The following WDR89 variants were observed in gnomAD, a reference collection of about 807,000 sequenced individuals.
The protein encoded by WDR89 is WD repeat domain 89, also known as WD repeat-containing protein 89.
A neutral mutation model predicts 29.1 loss-of-function variants in WDR89; 17 were observed. The ratio of observed to expected loss-of-function variants is 0.58; its 90% CI spans 0.40 to 0.88. The LOEUF (loss-of-function observed/expected upper bound fraction) is 0.88, where lower values mean the gene tolerates loss of function less well. Among genes scored for constraint, WDR89 ranks in the 40% least tolerant of loss-of-function variants. WDR89 has a pLI of 0.00. For synonymous variants in WDR89, 138 were observed against 157.8 expected (o/e 0.87, Z 0.94); for missense variants, 396 against 456.3 (o/e 0.87, Z 1.20).
At chr14:63,609,037 G>A (rs1008073457) in intron 2 of WDR89, among the ~76,000 whole-genome samples, 8 of 151,888 alleles carry the variant, frequency 5.3e-5, no homozygotes, top group African/African-American at 1.9e-4. Flanking sequence ...GCTTGAAGCC[G>A]GGAGGCAGAG....
intron 2 of WDR89, among the ~76,000 whole-genome samples, chr14:63,620,290 G>A (rs749377075): frequency 6.6e-6 from 1 of 151,956 alleles, no homozygotes; most frequent in Non-Finnish European, 1.5e-5. Context: ...TGTGAAACAG[G>A]GATAAATTTG....
In WDR89 at chr14:63,624,911, GTTA is replaced by G. The variant is rs1371572880; in HGVS notation, c.-32+14_-32+16del. 6.6e-6 allele frequency: 1 copy of G among 152,128 alleles called. No individual in the cohort carries two copies. The highest frequency in any genetic ancestry group is 1.5e-5 in the Non-Finnish European group (1 of 68,010). The allele number at this position is 152,128 out of a possible 1,614,324, so 9.4% of individuals were successfully genotyped here. On this transcript the variant is annotated intron_variant, in intron 2 of 2. Coordinates refer to ENST00000620954, the MANE Select transcript of WDR89 (RefSeq NM_080666.4). ...AACTGGTTTGGCAGTTTGTTTAAAA[GTTA>G]AATACATACTTACCCAGCAAGCCCA...
intron 1 of WDR89, among the ~76,000 whole-genome samples, chr14:63,633,739 C>G (rs1027221977): frequency 6.6e-6 from 1 of 152,112 alleles, no homozygotes; most frequent in Non-Finnish European, 1.5e-5. Context: ...TTCCTCTCTA[C>G]TGAACACAGT....
intron 1 of WDR89, among the ~76,000 whole-genome samples, chr14:63,639,107 G>C (rs1883927888): frequency 6.6e-6 from 1 of 152,106 alleles, no homozygotes; most frequent in South Asian, 2.1e-4. Flanking sequence ...GCCACTACAA[G>C]CTGAAAAAGG....
At chr14:63,602,135 T>G (rs1350041854) in intron 2 of WDR89, among the ~76,000 whole-genome samples, 1 of 152,198 alleles carries the variant, frequency 6.6e-6, no homozygotes, top group Non-Finnish European at 1.5e-5. Context: ...AACTAATGCA[T>G]GCCATGTGTT....
chr14:63,628,894 C>A (rs1022903206), intron 1 of WDR89, among the ~76,000 whole-genome samples: 2 of 151,482 alleles, frequency 1.3e-5, no homozygotes, highest in Non-Finnish European at 2.9e-5. Context: ...AGTCTGGGGG[C>A]ACCTATACTC....
At chr14:63,617,295 G>A (rs2139529334) in intron 2 of WDR89, among the ~76,000 whole-genome samples, 1 of 152,018 alleles carries the variant, frequency 6.6e-6, no homozygotes, top group Middle Eastern at 3.4e-3. Context: ...TAGTCAGGCT[G>A]GTTGCAAACT....
intron 1 of WDR89, among the ~76,000 whole-genome samples, chr14:63,626,088 G>A (rs959354152): frequency 1.8e-4 from 27 of 152,008 alleles, no homozygotes; most frequent in African/African-American, 5.3e-4. Flanking sequence ...TCCTGACCTC[G>A]TGATCCGCCC....
chr14:63,599,651 C>A lies in WDR89; in HGVS notation c.292G>T (p.Asp98Tyr). 6.2e-7 allele frequency: 1 copy of A among 1,614,180 alleles called. No homozygotes were observed. The highest frequency in any genetic ancestry group is 2.2e-5 in the East Asian group (1 of 44,882). The change falls in exon 3 of 3, where the codon GAT becomes TAT. Residue 98 changes from aspartate to tyrosine, a missense_variant. Asp to Tyr is a radical substitution (Grantham distance 160). Coordinates refer to ENST00000620954, the MANE Select transcript of WDR89 (RefSeq NM_080666.4). ...GGTTTTTCTCTGGCTACTCGAGCATCCCAGCATTTCACAGTGCCATCAGTA... is the reference window on the plus strand; with the variant it reads ...GGTTTTTCTCTGGCTACTCGAGCATACCAGCATTTCACAGTGCCATCAGTA... ...ACTDGTVKCW[D>Y]ARVAREKPVQ...
chr14:63,601,278 G>A (rs1308247302), intron 2 of WDR89, among the ~76,000 whole-genome samples: 1 of 151,732 alleles, frequency 6.6e-6, no homozygotes, highest in East Asian at 1.9e-4. Flanking sequence ...ATAGAATCCT[G>A]GAGAAGTCCT....
chr14:63,621,617 A>C (rs1472833287), intron 2 of WDR89: 2 of 152,220 alleles, frequency 1.3e-5, no homozygotes, highest in African/African-American at 2.4e-5. Flanking sequence ...GAATTACTAC[A>C]GTCTTCGCAT....
chr14:63,602,462 C>CAAAAAA (rs58161137), intron 2 of WDR89, among the ~76,000 whole-genome samples: 8 of 35,616 alleles, frequency 2.2e-4, no homozygotes, highest in Admixed American at 3.3e-4. Flanking sequence ...GATTCCTACT[C>CAAAAAA]AAAAAAAAAA....
chr14:63,602,465 A>AAAAAT (rs1396068377), intron 2 of WDR89, among the ~76,000 whole-genome samples: 5 of 128,400 alleles, frequency 3.9e-5, no homozygotes, highest in African/African-American at 1.7e-4. Context: ...TCCTACTCAA[A>AAAAAT]AAAAAAAAAA....
intron 2 of WDR89, among the ~76,000 whole-genome samples, chr14:63,609,699 A>G (rs1881828014): frequency 6.6e-6 from 1 of 152,062 alleles, no homozygotes; most frequent in Non-Finnish European, 1.5e-5. Flanking sequence ...CTGAGGCAGG[A>G]GAATTGCTTA....
At chr14:63,615,678 G>A (rs996156882) in intron 2 of WDR89, among the ~76,000 whole-genome samples, 1 of 152,184 alleles carries the variant, frequency 6.6e-6, no homozygotes, top group Non-Finnish European at 1.5e-5. Flanking sequence ...TGTAGTCCCA[G>A]CACTTTGGCA....
intron 2 of WDR89, among the ~76,000 whole-genome samples, chr14:63,603,630 G>A (rs113181385): frequency 0.01 from 1,580 of 151,996 alleles, 39 homozygotes; most frequent in African/African-American, 0.036. Flanking sequence ...ATAATCTATC[G>A]CTTTGTTGCT....
intron 2 of WDR89, 47 bp from the exon 3 acceptor site, chr14:63,600,020 G>C: frequency 8.7e-7 from 1 of 1,144,610 alleles, no homozygotes; most frequent in African/African-American, 1.6e-5. Context: ...GCTTAACAAG[G>C]GAGACACATA....
chr14:63,640,836 G>C (rs1305638558), intron 1 of WDR89, among the ~76,000 whole-genome samples: 1 of 148,168 alleles, frequency 6.7e-6, no homozygotes, highest in Non-Finnish European at 1.5e-5. Context: ...GGTGGCTCAC[G>C]CCTGTAATCC....
intron 1 of WDR89, among the ~76,000 whole-genome samples, chr14:63,640,903 G>A: frequency 6.7e-6 from 1 of 150,272 alleles, no homozygotes; most frequent in Non-Finnish European, 1.5e-5. Context: ...TTCGAGACCG[G>A]CCTGACCAGT....
Sources: allele counts gnomAD v4.1 joint callset (sites outside exome capture counted in the v4.1 genomes callset), GRCh38; gene constraint gnomAD v4.1.1; transcripts MANE v1.5; gene names NCBI Gene and HGNC (gene_info 2026-07-23, HGNC 2026-07-21).